EXOC6B: variants seen among roughly 807,000 people sequenced by gnomAD.
EXOC6B encodes the protein SEC15 homolog B.
A neutral mutation model predicts 113.5 loss-of-function variants in EXOC6B; 54 were observed. The ratio of observed to expected loss-of-function variants is 0.48; its 90% CI spans 0.38 to 0.60. EXOC6B has a LOEUF of 0.60. Among genes scored for constraint, EXOC6B ranks in the 20% least tolerant of loss-of-function variants. The probability of loss-of-function intolerance (pLI) is 0.00; values close to 1 mark genes in which losing one functional copy is unlikely to be tolerated. For missense variants in EXOC6B, 797 were observed against 977.5 expected (o/e 0.82, Z 2.46); for synonymous variants, 357 against 339.0 (o/e 1.05, Z -0.58).
intron 20 of EXOC6B, among the ~76,000 whole-genome samples, chr2:72,329,063 T>C (rs77976066): frequency 0.021 from 3,131 of 152,124 alleles, 94 homozygotes; most frequent in African/African-American, 0.071. Flanking sequence ...ACTGACAACA[T>C]TACTGGTCCG....
chr2:72,310,546 T>G (rs1237191190), intron 20 of EXOC6B, among the ~76,000 whole-genome samples: 1 of 152,154 alleles, frequency 6.6e-6, no homozygotes, highest in African/African-American at 2.4e-5. Context: ...CTCTTACCAG[T>G]TTTATGATGT....
Position 72,447,102 on chromosome 2 carries a change from C to CA in EXOC6B, c.1980+18057dup, listed in dbSNP as rs1181938069. Among the ~76,000 whole-genome samples, 1,160 of 123,222 alleles carry CA rather than the reference C, an allele frequency of 9.4e-3. 7 individuals carry two copies. Among genetic ancestry groups the CA allele is most frequent in the South Asian group, 0.024 (90 of 3,760 alleles). The allele number at this position is 123,222 out of a possible 152,430, so 80.8% of individuals were successfully genotyped here. A position where few individuals can be genotyped will look rare whatever the true frequency, so the allele number is the denominator to read the frequency against. ...CTGGCGACAGAGTGAGACTTCGTCT[C>CA]AAAAAAAAAAAAAAGAATGTTAGAG... On this transcript the variant is annotated intron_variant, in intron 18 of 21. Coordinates refer to ENST00000272427, the MANE Select transcript of EXOC6B (RefSeq NM_015189.3).
chr2:72,217,024 G>A (rs552342486), intron 20 of EXOC6B, among the ~76,000 whole-genome samples: 169 of 138,198 alleles, frequency 1.2e-3, no homozygotes, highest in African/African-American at 4.6e-3. Context: ...CAGCCTGGGC[G>A]ACTCCATATC....
At chr2:72,566,317 T>C (rs1159369576) in intron 7 of EXOC6B, among the ~76,000 whole-genome samples, 2 of 152,188 alleles carry the variant, frequency 1.3e-5, no homozygotes, top group African/African-American at 4.8e-5. Flanking sequence ...CCATTGAACA[T>C]AATGCATTTG....
chr2:72,414,164 C>T (rs1694371220), intron 18 of EXOC6B, among the ~76,000 whole-genome samples: 1 of 152,058 alleles, frequency 6.6e-6, no homozygotes, highest in African/African-American at 2.4e-5. Flanking sequence ...GAGTTGAAGA[C>T]CTCTGTTGTC....
intron 6 of EXOC6B, among the ~76,000 whole-genome samples, chr2:72,610,834 C>T (rs1438816654): frequency 6.6e-6 from 1 of 152,098 alleles, no homozygotes; most frequent in Non-Finnish European, 1.5e-5. Flanking sequence ...AGGAATAAAG[C>T]CAAAAACGGA....
intron 19 of EXOC6B, among the ~76,000 whole-genome samples, chr2:72,356,817 C>T (rs116223830): frequency 0.017 from 2,513 of 152,190 alleles, 37 homozygotes; most frequent in Non-Finnish European, 0.024. Flanking sequence ...CAACCACTGA[C>T]TGAAAATATT....
At chr2:72,453,768 T>A (rs1697045430) in intron 18 of EXOC6B, among the ~76,000 whole-genome samples, 1 of 152,206 alleles carries the variant, frequency 6.6e-6, no homozygotes, top group Admixed American at 6.5e-5. Flanking sequence ...AACTTTAGCA[T>A]CAATAAGAAA....
At chr2:72,416,947 G>T (rs1301952960) in intron 18 of EXOC6B, among the ~76,000 whole-genome samples, 1 of 152,082 alleles carries the variant, frequency 6.6e-6, no homozygotes, top group Non-Finnish European at 1.5e-5. Flanking sequence ...TCGGTACATT[G>T]TCTGATTTCT....
At chr2:72,811,480 CA>C (rs1685920889) in intron 1 of EXOC6B, among the ~76,000 whole-genome samples, 3 of 152,128 alleles carry the variant, frequency 2.0e-5, no homozygotes, top group African/African-American at 4.8e-5. Flanking sequence ...AAGAATTCTA[CA>C]AAATATTTGA....
chr2:72,441,848 T>A (rs1016317979), intron 18 of EXOC6B, among the ~76,000 whole-genome samples: 16 of 152,208 alleles, frequency 1.1e-4, no homozygotes, highest in African/African-American at 3.9e-4. Context: ...GTACCATTCC[T>A]ACTGAAACTA....
intron 6 of EXOC6B, among the ~76,000 whole-genome samples, chr2:72,671,793 AAGAAAG>A (rs748900944): frequency 7.5e-4 from 101 of 134,444 alleles, no homozygotes; most frequent in Middle Eastern, 4.0e-3. Context: ...GAAAGAAAGA[AAGAAAG>A]AAAGAAAGAA....
chr2:72,508,184 A>AAAAAAAACAC (rs923877882), intron 11 of EXOC6B, among the ~76,000 whole-genome samples: 12 of 89,106 alleles, frequency 1.3e-4, no homozygotes, highest in African/African-American at 7.3e-4. Context: ...AAAAAAAAAA[A>AAAAAAAACAC]ACACCTAAAA....
In EXOC6B at chr2:72,586,007, C is replaced by T. The variant is rs140935102; in HGVS notation, c.670-10339G>A. On this transcript the variant is annotated intron_variant, in intron 6 of 21. Coordinates refer to ENST00000272427, the MANE Select transcript of EXOC6B (RefSeq NM_015189.3). ...AAAATAAGCAATGGGAAAAGGAGTT[C>T]CTAATTCAATAAATGGTGCTGGGAT... 2.1e-3 allele frequency among the ~76,000 whole-genome samples: 326 copies of T among 152,142 alleles called. 2 individuals carry two copies. The highest frequency in any genetic ancestry group is 3.8e-3 in the Non-Finnish European group (260 of 67,994).
intron 6 of EXOC6B, among the ~76,000 whole-genome samples, chr2:72,699,945 C>T (rs954967236): frequency 6.6e-6 from 1 of 152,086 alleles, no homozygotes; most frequent in Admixed American, 6.6e-5. Context: ...TCTGCAAATA[C>T]CAGTATCTGT....
At chr2:72,443,803 C>T (rs1453540304) in intron 18 of EXOC6B, among the ~76,000 whole-genome samples, 1 of 152,176 alleles carries the variant, frequency 6.6e-6, no homozygotes, top group East Asian at 1.9e-4. Flanking sequence ...ATTCAGTTAC[C>T]TCCTACTGGG....
chr2:72,801,057 G>A (rs940200217), intron 1 of EXOC6B, among the ~76,000 whole-genome samples: 8 of 152,130 alleles, frequency 5.3e-5, no homozygotes, highest in East Asian at 1.9e-4. Flanking sequence ...ATCAGAATAC[G>A]TATTTGGGCT....
At chr2:72,673,667 A>G (rs1676071789) in intron 6 of EXOC6B, among the ~76,000 whole-genome samples, 1 of 151,956 alleles carries the variant, frequency 6.6e-6, no homozygotes, top group South Asian at 2.1e-4. Context: ...GAAACTTTCA[A>G]TTATAGGTGC....
In EXOC6B at chr2:72,653,766, G is replaced by C. The variant is rs183695296; in HGVS notation, c.669+64337C>G. On this transcript the variant is annotated intron_variant, in intron 6 of 21. Transcript: ENST00000272427. ...ATTTGAAACTAACTTCTAAGTAAAG[G>C]CTTTATCAAATATATTTTTCCCATA... is the stretch of plus-strand genomic sequence containing the variant. Among the ~76,000 whole-genome samples the C allele has an allele frequency of 1.9e-3, 283 of 151,618 alleles. 6 individuals are homozygous for C. The highest frequency in any genetic ancestry group is 2.4e-4 in the Non-Finnish European group (16 of 67,916).
Sources: allele counts gnomAD v4.1 joint callset (sites outside exome capture counted in the v4.1 genomes callset), GRCh38; gene constraint gnomAD v4.1.1; transcripts MANE v1.5; gene names NCBI Gene and HGNC (gene_info 2026-07-23, HGNC 2026-07-21).